The following CBLN2 variants were observed in gnomAD, a reference collection of about 807,000 sequenced individuals.
CBLN2 encodes cerebellin-2.
CBLN2 carries 7 observed loss-of-function variants against 15.0 expected under a neutral mutation model. The observed-to-expected ratio is 0.47, with a 90% CI of 0.27 to 0.88. The LOEUF is 0.88. Among genes scored for constraint, CBLN2 ranks in the 40% least tolerant of loss-of-function variants. The pLI, the probability that CBLN2 is intolerant of heterozygous loss-of-function variation, is 0.14. For missense variants in CBLN2, 242 were observed against 304.5 expected, an observed-to-expected ratio of 0.79 and a Z score of 1.53; for synonymous variants, 149 against 135.2, an observed-to-expected ratio of 1.10 and a Z score of -0.71.
intron 1 of CBLN2, among the ~76,000 whole-genome samples, chr18:72,629,267 G>C (rs976678143): frequency 6.6e-6 from 1 of 152,154 alleles, no homozygotes; most frequent in Non-Finnish European, 1.5e-5. Flanking sequence ...TGAAGTGCAA[G>C]ACAATTGTTC....
chr18:72,627,678 G>A (rs546638697), intron 1 of CBLN2, among the ~76,000 whole-genome samples: 12 of 152,292 alleles, frequency 7.9e-5, no homozygotes, highest in African/African-American at 1.9e-4. Context: ...CAAAATATGC[G>A]CAAGCACGAT....
chr18:72,570,453 G>A (rs903343210), intron 1 of CBLN2, among the ~76,000 whole-genome samples: 5 of 144,436 alleles, frequency 3.5e-5, no homozygotes, highest in African/African-American at 1.3e-4. Flanking sequence ...TCACCACGTT[G>A]CCCAGGCAAG....
chr18:72,589,943 G>A (rs1168157695), intron 1 of CBLN2, among the ~76,000 whole-genome samples: 2 of 152,058 alleles, frequency 1.3e-5, no homozygotes, highest in Non-Finnish European at 2.9e-5. Context: ...GACCAGCCTG[G>A]TCAACATGGT....
intron 1 of CBLN2, among the ~76,000 whole-genome samples, chr18:72,628,980 A>C (rs1371521725): frequency 1.3e-5 from 2 of 152,150 alleles, no homozygotes; most frequent in East Asian, 3.9e-4. Context: ...GGAAATGAAA[A>C]GGGGCAAAGC....
At chr18:72,569,730 C>T (rs1244826786) in intron 1 of CBLN2, among the ~76,000 whole-genome samples, 4 of 152,022 alleles carry the variant, frequency 2.6e-5, no homozygotes, top group Admixed American at 6.6e-5. Flanking sequence ...GTGTGAACTA[C>T]CAGAGTGGGA....
At chr18:72,579,294 A>G (rs2069387927) in intron 1 of CBLN2, among the ~76,000 whole-genome samples, 1 of 152,270 alleles carries the variant, frequency 6.6e-6, no homozygotes, top group Non-Finnish European at 1.5e-5. Flanking sequence ...AATCATAAAT[A>G]TATACATATA....
chr18:72,538,625 G>C (rs2069086532), intron 4 of CBLN2, 28 bp downstream of exon 4: 1 of 1,612,686 alleles, frequency 6.2e-7, no homozygotes, highest in Non-Finnish European at 8.5e-7. Flanking sequence ...ACTCAAACCT[G>C]AAAGGATCCA....
At chr18:72,593,336 A>G (rs934068755) in intron 1 of CBLN2, among the ~76,000 whole-genome samples, 3 of 152,188 alleles carry the variant, frequency 2.0e-5, no homozygotes, top group African/African-American at 4.8e-5. Context: ...TAGAAATGCT[A>G]CCAATTTTTG....
intron 1 of CBLN2, among the ~76,000 whole-genome samples, chr18:72,619,988 T>A (rs371242068): frequency 6.6e-6 from 1 of 152,276 alleles, no homozygotes; most frequent in African/African-American, 2.4e-5. Context: ...CACCACCCCT[T>A]GTTGGGGGAA....
At chr18:72,538,793 C>T in intron 3 of CBLN2, 21 bp from the exon 4 acceptor site, 1 of 1,611,778 alleles carries the variant, frequency 6.2e-7, no homozygotes. Context: ...AGAGGGAACA[C>T]AGCACACAAT....
chr18:72,557,670 C>T (rs2069234831), intron 1 of CBLN2, among the ~76,000 whole-genome samples: 1 of 152,284 alleles, frequency 6.6e-6, no homozygotes, highest in South Asian at 2.1e-4. Flanking sequence ...AACCAAACAC[C>T]ACATGTTCTC....
chr18:72,556,437 TGAAA>T (rs1428061576), intron 1 of CBLN2, among the ~76,000 whole-genome samples: 2 of 151,836 alleles, frequency 1.3e-5, no homozygotes, highest in Admixed American at 6.6e-5. Context: ...TACTATTATC[TGAAA>T]GAAAGAGCAG....
intron 1 of CBLN2, among the ~76,000 whole-genome samples, chr18:72,572,124 G>A (rs947642213): frequency 7.9e-5 from 12 of 152,106 alleles, no homozygotes; most frequent in Non-Finnish European, 1.5e-4. Context: ...TCTGAAGACA[G>A]AAATTTCAGC....
rs180705180 is a variant in CBLN2, at chr18:72,576,505, T to C, written c.16-37733A>G. ...TAATCAAAGGTTATACAAAATGAAATGAAAAGGTAGTGATTTTAAAACTTA... is the reference window on the plus strand; with the variant it reads ...TAATCAAAGGTTATACAAAATGAAACGAAAAGGTAGTGATTTTAAAACTTA... On this transcript the variant is annotated intron_variant, in intron 1 of 2. Transcript: ENST00000581073. Among the ~76,000 whole-genome samples, 141 of 152,288 alleles carry C rather than the reference T, an allele frequency of 9.3e-4. 1 individual carries two copies. Among genetic ancestry groups the C allele is most frequent in the Non-Finnish European group, 3.2e-4 (22 of 68,024 alleles).
chr18:72,628,282 T>A (rs1264312055), intron 1 of CBLN2, among the ~76,000 whole-genome samples: 1 of 152,250 alleles, frequency 6.6e-6, no homozygotes, highest in Non-Finnish European at 1.5e-5. Flanking sequence ...ACTGAAAAAC[T>A]ATTTGCAACA....
At chr18:72,631,614 C>T (rs2069777375) in intron 1 of CBLN2, among the ~76,000 whole-genome samples, 1 of 152,070 alleles carries the variant, frequency 6.6e-6, no homozygotes, top group South Asian at 2.1e-4. Flanking sequence ...ATAACAGTGT[C>T]ACATCTCAAC....
At chr18:72,587,474 T>G (rs1156283855) in intron 1 of CBLN2, among the ~76,000 whole-genome samples, 1 of 152,066 alleles carries the variant, frequency 6.6e-6, no homozygotes, top group African/African-American at 2.4e-5. Context: ...CCCCAAAAAG[T>G]GAATTAAGGT....
In CBLN2 at chr18:72,626,397, G is replaced by A. The variant is rs552032412; in HGVS notation, c.15+11928C>T. Among the ~76,000 whole-genome samples, 7 of 152,116 alleles carry A rather than the reference G, an allele frequency of 4.6e-5. No individual in the cohort carries two copies. In the East Asian group the frequency reaches 1.4e-3, roughly 29 times the overall value. ...GACATCAATGAAAAGTATTCCCTTA[G>A]CCATACACTCACCTGAAAAATAGTC... On this transcript the variant is annotated intron_variant, in intron 1 of 2. Coordinates refer to the CBLN2 transcript ENST00000581073.
chr18:72,625,832 A>C (rs2069735479), intron 1 of CBLN2, among the ~76,000 whole-genome samples: 2 of 142,316 alleles, frequency 1.4e-5, no homozygotes, highest in South Asian at 4.5e-4. Context: ...ATATATATAT[A>C]TATATATATA....
Sources: allele counts gnomAD v4.1 joint callset (sites outside exome capture counted in the v4.1 genomes callset), GRCh38; gene constraint gnomAD v4.1.1; transcripts MANE v1.5; gene names NCBI Gene and HGNC (gene_info 2026-07-23, HGNC 2026-07-21).